GALNT13: variants seen among roughly 807,000 people sequenced by gnomAD.
GALNT13 encodes the protein UDP-GalNAc:polypeptide N-acetylgalactosaminyltransferase 13.
In GALNT13, 28 loss-of-function variants were observed where a neutral mutation model predicts 64.2. That is an observed-to-expected ratio of 0.44 (90% CI 0.32 to 0.60). The LOEUF is 0.60. Ranked by LOEUF, GALNT13 falls within the 20% of genes least tolerant of loss-of-function variation. The pLI, the probability that GALNT13 is intolerant of heterozygous loss-of-function variation, is 0.05. For synonymous variants in GALNT13, 214 were observed against 224.6 expected (o/e 0.95, Z 0.42); for missense variants, 577 against 669.8 (o/e 0.86, Z 1.53).
intron 12 of GALNT13, among the ~76,000 whole-genome samples, chr2:154,447,349 T>A (rs1457161238): frequency 6.6e-6 from 1 of 151,942 alleles, no homozygotes; most frequent in African/African-American, 2.4e-5. Flanking sequence ...TTCTTTGTGG[T>A]TGCCTAAGTG....
intron 4 of GALNT13, among the ~76,000 whole-genome samples, chr2:154,174,628 T>C (rs995507666): frequency 2.0e-5 from 3 of 152,186 alleles, no homozygotes; most frequent in Admixed American, 2.0e-4. Context: ...TGTTTGAGTT[T>C]ATTAGGTTTA....
the GALNT13 span, among the ~76,000 whole-genome samples, chr2:153,281,463 G>A: frequency 6.6e-6 from 1 of 152,132 alleles, no homozygotes. Flanking sequence ...CAAATGTGTG[G>A]CTGCTCTATA....
the GALNT13 span, among the ~76,000 whole-genome samples, chr2:153,319,708 A>G: frequency 6.6e-6 from 1 of 152,166 alleles, no homozygotes; most frequent in Non-Finnish European, 1.5e-5. Flanking sequence ...ATAAATTTAT[A>G]ATTTTTGACA....
At chr2:153,686,827 C>G in the GALNT13 span, among the ~76,000 whole-genome samples, 1 of 151,718 alleles carries the variant, frequency 6.6e-6, no homozygotes, top group Admixed American at 6.6e-5. Context: ...TAATACCTAG[C>G]TTATTGAGAG....
the GALNT13 span, among the ~76,000 whole-genome samples, chr2:153,800,045 GCTCT>G: frequency 0.01 from 1,227 of 118,944 alleles, 6 homozygotes; most frequent in East Asian, 0.043. Context: ...CATTTAGTTT[GCTCT>G]CTCTCTCTCT....
chr2:153,689,063 C>CTTGTGTATGT, the GALNT13 span, among the ~76,000 whole-genome samples: 1 of 66,342 alleles, frequency 1.5e-5, no homozygotes, highest in African/African-American at 5.7e-5. Context: ...TGCTAAACCG[C>CTTGTGTATGT]GTGTGTATGT....
chr2:153,201,276 G>C, the GALNT13 span, among the ~76,000 whole-genome samples: 1 of 152,134 alleles, frequency 6.6e-6, no homozygotes, highest in Non-Finnish European at 1.5e-5. Flanking sequence ...TTGTCACTTT[G>C]AGTTGTGTTT....
intron 3 of GALNT13, among the ~76,000 whole-genome samples, chr2:153,979,653 A>G (rs1051893559): frequency 1.3e-5 from 2 of 152,208 alleles, no homozygotes; most frequent in African/African-American, 4.8e-5. Context: ...ATTATTCTCT[A>G]GTAGAATCTT....
the GALNT13 span, among the ~76,000 whole-genome samples, chr2:153,842,283 G>A: frequency 6.6e-6 from 1 of 152,102 alleles, no homozygotes; most frequent in Admixed American, 6.6e-5. Context: ...GTCACTCAGA[G>A]TTGAGAGGCT....
chr2:153,408,472 TA>T, the GALNT13 span, among the ~76,000 whole-genome samples: 1 of 151,806 alleles, frequency 6.6e-6, no homozygotes, highest in African/African-American at 2.4e-5. Context: ...AAGGAGAAAA[TA>T]AATAGCAAAA....
At chr2:153,914,294 G>A (rs902321068) in intron 2 of GALNT13, among the ~76,000 whole-genome samples, 5 of 151,890 alleles carry the variant, frequency 3.3e-5, no homozygotes, top group African/African-American at 1.2e-4. Flanking sequence ...GACCAGTCTG[G>A]CCAACACAGT....
the GALNT13 span, among the ~76,000 whole-genome samples, chr2:153,635,543 A>G: frequency 6.6e-6 from 1 of 151,604 alleles, no homozygotes; most frequent in African/African-American, 2.4e-5. Context: ...AAATTTTGTG[A>G]TACTAAAAGT....
chr2:153,381,554 T>A, the GALNT13 span, among the ~76,000 whole-genome samples: 1 of 151,800 alleles, frequency 6.6e-6, no homozygotes, highest in Admixed American at 6.6e-5. Context: ...TAGCTAGAAA[T>A]AAGGGTCTGA....
intron 2 of GALNT13, among the ~76,000 whole-genome samples, chr2:153,908,448 G>T (rs187997889): frequency 6.6e-6 from 1 of 151,982 alleles, no homozygotes; most frequent in East Asian, 1.9e-4. Flanking sequence ...TGGTGTTTTT[G>T]TCGTGAAACC....
chr2:154,214,826 C>A (rs1373268391), intron 4 of GALNT13, among the ~76,000 whole-genome samples: 1 of 152,150 alleles, frequency 6.6e-6, no homozygotes, highest in African/African-American at 2.4e-5. Flanking sequence ...TGAGAACAGA[C>A]TAATACACCT....
chr2:153,692,430 A>G, the GALNT13 span, among the ~76,000 whole-genome samples: 1 of 152,210 alleles, frequency 6.6e-6, no homozygotes, highest in Non-Finnish European at 1.5e-5. Flanking sequence ...AAAGATACAT[A>G]TATGTGATTA....
intron 3 of GALNT13, among the ~76,000 whole-genome samples, chr2:154,076,420 A>T (rs1171492102): frequency 6.6e-6 from 1 of 151,742 alleles, no homozygotes; most frequent in Non-Finnish European, 1.5e-5. Context: ...ACAAAGACAT[A>T]ATCCACATTT....
intron 9 of GALNT13, among the ~76,000 whole-genome samples, chr2:154,338,153 A>C (rs576209326): frequency 6.6e-6 from 1 of 152,124 alleles, no homozygotes; most frequent in African/African-American, 2.4e-5. Context: ...CAACTTTCAC[A>C]TAATATATTT....
the GALNT13 span, among the ~76,000 whole-genome samples, chr2:153,318,773 T>C: frequency 6.6e-6 from 1 of 152,212 alleles, no homozygotes; most frequent in African/African-American, 2.4e-5. Context: ...ACAGAATTAC[T>C]AAGATGTACT....
Sources: allele counts gnomAD v4.1 joint callset (sites outside exome capture counted in the v4.1 genomes callset), GRCh38; gene constraint gnomAD v4.1.1; transcripts MANE v1.5; gene names NCBI Gene and HGNC (gene_info 2026-07-23, HGNC 2026-07-21).